The following PRRG1 variants were observed in gnomAD, a reference collection of about 807,000 sequenced individuals.
PRRG1 encodes the protein proline rich and Gla domain 1.
PRRG1 carries 5 observed loss-of-function variants against 11.8 expected under a neutral mutation model. That is an observed-to-expected ratio of 0.42 (90% CI 0.22 to 0.89). The LOEUF is 0.89. Ranked by LOEUF, PRRG1 falls within the 40% of genes least tolerant of loss-of-function variation. PRRG1 has a pLI of 0.28. For synonymous variants in PRRG1, 66 were observed against 60.4 expected (o/e 1.09, Z -0.43); for missense variants, 155 against 166.1 (o/e 0.93, Z 0.37).
rs998580673 is a variant in PRRG1 at position 37,457,160 on chromosome X, A to G, written c.*3539A>G. The G allele has an allele frequency of 8.9e-5, 10 of 112,103 alleles. No individual in the cohort carries two copies. Among genetic ancestry groups the G allele is most frequent in the African/African-American group, 3.2e-4 (10 of 30,806 alleles). 9.2% of individuals were successfully genotyped at this position (112,103 alleles called of 1,213,427 possible). A position where few individuals can be genotyped will look rare whatever the true frequency, so the allele number is the denominator to read the frequency against. ...TGTAAATAGTATGTATTTTATTATAATATTTCTCATTTTAAGATGCTTGGT... is the reference window on the plus strand; with the variant it reads ...TGTAAATAGTATGTATTTTATTATAGTATTTCTCATTTTAAGATGCTTGGT... On this transcript the variant is annotated 3_prime_UTR_variant, in exon 4 of 4. Coordinates refer to ENST00000378628, the MANE Select transcript of PRRG1 (RefSeq NM_001142395.2).
intron 1 of PRRG1, among the ~76,000 whole-genome samples, chrX:37,387,812 AATC>A (rs1315736095): frequency 1.8e-5 from 2 of 111,203 alleles, no homozygotes; most frequent in Non-Finnish European, 3.8e-5. Flanking sequence ...AGTCCCCCAA[AATC>A]TTAAGTCATT....
At chrX:37,350,659 G>A (rs782677823) in intron 1 of PRRG1, among the ~76,000 whole-genome samples, 1 of 111,987 alleles carries the variant, frequency 8.9e-6, no homozygotes, top group Non-Finnish European at 1.9e-5. Context: ...AAGCATAGAT[G>A]TTGATATTTT....
chrX:37,408,026 A>G (rs553887123), intron 2 of PRRG1, among the ~76,000 whole-genome samples: 1 of 112,216 alleles, frequency 8.9e-6, no homozygotes, highest in East Asian at 2.8e-4. Flanking sequence ...AAAGATGGCA[A>G]TCTCTGATGG....
intron 1 of PRRG1, among the ~76,000 whole-genome samples, chrX:37,376,230 A>G (rs1601979260): frequency 9.1e-6 from 1 of 109,618 alleles, no homozygotes; most frequent in East Asian, 2.9e-4. Context: ...CATCTGGTTC[A>G]TCATGGAGTT....
At position 37,453,716 on chromosome X, in the gene PRRG1, T is replaced by A; in HGVS notation, c.*95T>A. 1.1e-6 allele frequency: 1 copy of A among 891,331 alleles called. No individual in the cohort carries two copies. The highest frequency in any genetic ancestry group is 1.5e-6 in the Non-Finnish European group (1 of 665,877). The allele number at this position is 891,331 out of a possible 1,213,427, so 73.5% of individuals were successfully genotyped here. On this transcript the variant is annotated 3_prime_UTR_variant, in exon 4 of 4. Transcript: ENST00000378628. The stretch of plus-strand genomic sequence containing the variant: ...CTACATAAATGTTCATTGACTTATT[T>A]TATTGGACTCTTACCGCATACCACT...
At chrX:37,385,286 G>A (rs1239168276) in intron 1 of PRRG1, among the ~76,000 whole-genome samples, 2 of 110,773 alleles carry the variant, frequency 1.8e-5, no homozygotes, top group Non-Finnish European at 3.8e-5. Flanking sequence ...CACAAAACGT[G>A]TAATAAGTCA....
intron 3 of PRRG1, among the ~76,000 whole-genome samples, chrX:37,447,344 G>A (rs919890340): frequency 2.7e-5 from 3 of 111,828 alleles, no homozygotes; most frequent in Non-Finnish European, 5.6e-5. Flanking sequence ...ACACAAACTA[G>A]ATGTGAATGG....
At chrX:37,369,134 T>C (rs1930676190) in intron 1 of PRRG1, among the ~76,000 whole-genome samples, 1 of 112,466 alleles carries the variant, frequency 8.9e-6, no homozygotes, top group African/African-American at 3.2e-5. Context: ...ATTTTCTTCA[T>C]TCATTTCTGA....
intron 1 of PRRG1, among the ~76,000 whole-genome samples, chrX:37,363,461 G>T (rs1930475527): frequency 1.8e-5 from 2 of 112,532 alleles, no homozygotes; most frequent in African/African-American, 6.5e-5. Context: ...AAATTTGTTA[G>T]AAAGGGTAAT....
intron 2 of PRRG1, among the ~76,000 whole-genome samples, chrX:37,417,490 CTT>C (rs1248501058): frequency 1.3e-4 from 15 of 111,655 alleles, no homozygotes; most frequent in African/African-American, 4.9e-4. Context: ...GAAAAGTTAA[CTT>C]TTAATTTTCA....
At chrX:37,437,852 A>T (rs140851925) in intron 3 of PRRG1, among the ~76,000 whole-genome samples, 2,090 of 111,651 alleles carry the variant, frequency 0.019, 50 homozygotes, top group African/African-American at 0.064. Flanking sequence ...CCCTCTAAAA[A>T]AGGACAAGAA....
intron 2 of PRRG1, among the ~76,000 whole-genome samples, chrX:37,419,052 T>C (rs1556386117): frequency 8.9e-6 from 1 of 112,328 alleles, no homozygotes; most frequent in Non-Finnish European, 1.9e-5. Context: ...AGAATGGGTT[T>C]ATTTGAGCAA....
intron 3 of PRRG1, among the ~76,000 whole-genome samples, chrX:37,430,598 T>C (rs781998307): frequency 3.0e-4 from 33 of 111,842 alleles, no homozygotes; most frequent in African/African-American, 9.4e-4. Flanking sequence ...AAAACTTATA[T>C]TCATTCATGC....
In PRRG1 at chrX:37,453,450, C is replaced by T; in HGVS notation, c.486C>T (p.Arg162=). 8.3e-7 allele frequency: 1 copy of T among 1,210,220 alleles called. No homozygotes were observed. The highest frequency in any genetic ancestry group is 1.1e-6 in the Non-Finnish European group (1 of 895,002). ...VVGRSDSVST[R]LSNCDPPPTY... ...GGCGCTCAGATTCCGTCTCTACTCG[C>T]CTGTCCAATTGTGATCCCCCGCCAA... The change falls in exon 4 of 4, where the codon CGC becomes CGT. Residue 162 remains arginine (R), a synonymous_variant. Transcript: ENST00000378628.
At chrX:37,358,257 A>C (rs928857817) in intron 1 of PRRG1, among the ~76,000 whole-genome samples, 2 of 112,018 alleles carry the variant, frequency 1.8e-5, no homozygotes, top group Non-Finnish European at 3.8e-5. Flanking sequence ...ATAATATTAA[A>C]TCCAGCTTAT....
intron 1 of PRRG1, among the ~76,000 whole-genome samples, chrX:37,383,412 A>G (rs1366009286): frequency 9.0e-6 from 1 of 111,352 alleles, no homozygotes; most frequent in Non-Finnish European, 1.9e-5. Context: ...ATGTTTTATT[A>G]TCTCTGTCAA....
chrX:37,403,888 G>A, intron 1 of PRRG1: 1 of 430,049 alleles, frequency 2.3e-6, no homozygotes, highest in Non-Finnish European at 2.9e-6. Flanking sequence ...CTGATCTTTG[G>A]AAGTTTATTA....
chrX:37,445,595 C>T (rs1481338777), intron 3 of PRRG1, among the ~76,000 whole-genome samples: 1 of 112,927 alleles, frequency 8.9e-6, no homozygotes, highest in Non-Finnish European at 1.9e-5. Flanking sequence ...CAAAAACTTA[C>T]TGTAACTTCA....
At chrX:37,373,628 T>C (rs1930838755) in intron 1 of PRRG1, among the ~76,000 whole-genome samples, 1 of 112,116 alleles carries the variant, frequency 8.9e-6, no homozygotes, top group Non-Finnish European at 1.9e-5. Flanking sequence ...CTACTAACTT[T>C]TTAATGCTGA....
Sources: allele counts gnomAD v4.1 joint callset (sites outside exome capture counted in the v4.1 genomes callset), GRCh38; gene constraint gnomAD v4.1.1; transcripts MANE v1.5; gene names NCBI Gene and HGNC (gene_info 2026-07-23, HGNC 2026-07-21).